FBXO47: variants seen among roughly 807,000 people sequenced by gnomAD.
FBXO47 encodes the protein F-box protein 47, also known as F-box only protein 47.
Under a neutral mutation model 53.9 loss-of-function variants are expected in FBXO47, and 34 were observed. That is an observed-to-expected ratio of 0.63 (90% CI 0.48 to 0.84). FBXO47 has a LOEUF of 0.84. Ranked by LOEUF, FBXO47 falls within the 40% of genes least tolerant of loss-of-function variation. FBXO47 has a pLI of 0.00. For synonymous variants in FBXO47, 165 were observed against 181.6 expected (o/e 0.91, Z 0.73); for missense variants, 485 against 541.3 (o/e 0.90, Z 1.03).
In FBXO47 at chr17:38,961,323, G is replaced by A. The variant is rs114370430; in HGVS notation, c.352+554C>T. Among the ~76,000 whole-genome samples the A allele has an allele frequency of 8.9e-3, 1,348 of 152,190 alleles. 26 individuals carry two copies. Among genetic ancestry groups the A allele is most frequent in the African/African-American group, 0.031 (1,303 of 41,520 alleles). ...AGAATTTTACTTCAGCACTCTCTGG[G>A]ACAATGAAATCAATGAATGGAGTAA... On this transcript the variant is annotated intron_variant, in intron 3 of 10. Transcript: ENST00000378079.
At chr17:38,943,500 T>C (rs755965126) in intron 8 of FBXO47, 90 bp downstream of exon 8, 78 of 805,936 alleles carry the variant, frequency 9.7e-5, no homozygotes, top group Non-Finnish European at 1.3e-4. Flanking sequence ...AGGCACATCA[T>C]TTGTTACCTG....
intron 1 of FBXO47, among the ~76,000 whole-genome samples, chr17:38,965,793 G>T (rs1005595657): frequency 2.0e-5 from 3 of 147,784 alleles, no homozygotes; most frequent in Non-Finnish European, 4.5e-5. Flanking sequence ...TGAGGCAGGA[G>T]AATCGCTTGA....
chr17:38,950,867 T>C (rs1415369998), intron 6 of FBXO47, among the ~76,000 whole-genome samples: 1 of 152,108 alleles, frequency 6.6e-6, no homozygotes, highest in Non-Finnish European at 1.5e-5. Context: ...CCCTTACATT[T>C]CTTTGTCCTT....
chr17:38,960,626 TTC>T (rs1424207018), intron 3 of FBXO47, among the ~76,000 whole-genome samples: 1 of 151,232 alleles, frequency 6.6e-6, no homozygotes, highest in Admixed American at 6.6e-5. Flanking sequence ...AAATAATTCT[TTC>T]TCTTTTTTTT....
chr17:38,945,062 T>G lies in FBXO47; in HGVS notation c.691A>C (p.Ser231Arg). ...NVLLDHWTHRSDSAFWLTRIL... is the reference protein window; with the variant it reads ...NVLLDHWTHRRDSAFWLTRIL... ...CGCGTCAACCAAAAAGCAGAATCAC[T>G]TCGATGTGTCCAATGATCAAGGAGG... Residue 231 changes from serine to arginine, a missense_variant, in exon 7 of 11, where the codon AGT becomes CGT. By Grantham distance (110) the Ser-to-Arg change is moderately radical. Coordinates refer to ENST00000378079, the MANE Select transcript of FBXO47 (RefSeq NM_001008777.3). 1 of 1,613,968 alleles carries G rather than the reference T, an allele frequency of 6.2e-7. No homozygotes were observed. Among genetic ancestry groups the G allele is most frequent in the Admixed American group, 1.7e-5 (1 of 59,992 alleles).
intron 1 of FBXO47, among the ~76,000 whole-genome samples, chr17:38,963,548 C>T (rs556823606): frequency 3.3e-5 from 5 of 150,984 alleles, no homozygotes; most frequent in African/African-American, 4.9e-5. Context: ...TTTATTGTTT[C>T]GAACAAAAAA....
At chr17:38,949,649 T>C (rs1426598374) in intron 6 of FBXO47, among the ~76,000 whole-genome samples, 17 of 152,176 alleles carry the variant, frequency 1.1e-4, no homozygotes. Flanking sequence ...TATATGAGGA[T>C]TGTTGTCACA....
chr17:38,940,673 C>T (rs1206440070), intron 9 of FBXO47, among the ~76,000 whole-genome samples: 2 of 151,850 alleles, frequency 1.3e-5, no homozygotes, highest in East Asian at 3.9e-4. Flanking sequence ...CCTACTTATT[C>T]ATTTACTTAT....
intron 6 of FBXO47, among the ~76,000 whole-genome samples, chr17:38,948,060 C>A (rs1457357774): frequency 6.6e-6 from 1 of 152,092 alleles, no homozygotes; most frequent in Non-Finnish European, 1.5e-5. Context: ...GCAGCCATCA[C>A]CACAGCCAAT....
chr17:38,961,406 G>A (rs959915045), intron 3 of FBXO47, among the ~76,000 whole-genome samples: 4 of 152,126 alleles, frequency 2.6e-5, no homozygotes, highest in African/African-American at 7.2e-5. Context: ...GCTTTGATAA[G>A]GTCAGTTTAA....
intron 5 of FBXO47, among the ~76,000 whole-genome samples, chr17:38,953,756 T>C (rs1905419797): frequency 6.6e-6 from 1 of 152,228 alleles, no homozygotes; most frequent in Non-Finnish European, 1.5e-5. Flanking sequence ...CTTTTTACTT[T>C]ATACATTTTC....
intron 4 of FBXO47, among the ~76,000 whole-genome samples, chr17:38,956,899 T>A (rs1202896850): frequency 1.3e-5 from 2 of 152,212 alleles, no homozygotes; most frequent in Non-Finnish European, 2.9e-5. Context: ...AGGATTTGTA[T>A]GTGGTGTAAA....
At chr17:38,945,180 T>A in intron 6 of FBXO47, 44 bp from the exon 7 acceptor site, 1 of 1,441,084 alleles carries the variant, frequency 6.9e-7, no homozygotes. Context: ...GTAGAAAGGC[T>A]GCTGTGCATA....
intron 6 of FBXO47, among the ~76,000 whole-genome samples, chr17:38,950,908 ATTTT>A (rs1178646864): frequency 2.6e-5 from 4 of 151,238 alleles, no homozygotes; most frequent in African/African-American, 7.3e-5. Context: ...AATTTATTTT[ATTTT>A]TATTTCTTTT....
At chr17:38,944,844 A>C (rs75539440) in intron 7 of FBXO47, 116 bp downstream of exon 7, 3 of 428,352 alleles carry the variant, frequency 7.0e-6, no homozygotes, top group Non-Finnish European at 1.1e-5. Context: ...GTGTGCGTGC[A>C]TGCATGTGTG....
Position 38,967,217 on chromosome 17 carries a change from A to C in FBXO47, c.-27+12T>G, listed in dbSNP as rs993778224. ...TCGCAATAAAATACTGGGAAAAAAA[A>C]CCCTCTTTTACCACAGATTTTGACA... On this transcript the variant is annotated intron_variant, in intron 1 of 10. Coordinates refer to ENST00000378079, the MANE Select transcript of FBXO47 (RefSeq NM_001008777.3). The C allele has an allele frequency of 7.2e-5, 11 of 152,010 alleles. No homozygotes were observed. Among genetic ancestry groups the C allele is most frequent in the Admixed American group, 2.6e-4 (4 of 15,240 alleles). 9.4% of individuals were successfully genotyped at this position (152,010 alleles called of 1,614,324 possible). A position where few individuals can be genotyped will look rare whatever the true frequency, so the allele number is the denominator to read the frequency against.
At chr17:38,957,375 T>A in intron 3 of FBXO47, 122 bp from the exon 4 acceptor site, 1 of 634,692 alleles carries the variant, frequency 1.6e-6, no homozygotes, top group Non-Finnish European at 2.7e-6. Context: ...TGAGTTGATA[T>A]GATTTCTAAG....
chr17:38,964,333 T>C (rs2143974789), intron 1 of FBXO47, among the ~76,000 whole-genome samples: 1 of 151,542 alleles, frequency 6.6e-6, no homozygotes, highest in South Asian at 2.1e-4. Context: ...CAGTGGCTCA[T>C]TCCTGTAATC....
intron 9 of FBXO47, among the ~76,000 whole-genome samples, chr17:38,941,133 A>G (rs9896240): frequency 0.064 from 9,750 of 151,306 alleles, 1,083 homozygotes; most frequent in African/African-American, 0.21. Context: ...ACAGGCACGC[A>G]TGCCACAACT....
Sources: allele counts gnomAD v4.1 joint callset (sites outside exome capture counted in the v4.1 genomes callset), GRCh38; gene constraint gnomAD v4.1.1; transcripts MANE v1.5; gene names NCBI Gene and HGNC (gene_info 2026-07-23, HGNC 2026-07-21).